The following FER1L6 variants were observed in gnomAD, a reference collection of about 807,000 sequenced individuals.
FER1L6 encodes fer-1-like protein 6.
FER1L6 carries 177 observed loss-of-function variants against 219.2 expected under a neutral mutation model. The ratio of observed to expected loss-of-function variants is 0.81; its 90% CI spans 0.71 to 0.91. FER1L6 has a LOEUF of 0.91. Among genes scored for constraint, FER1L6 ranks in the 40% least tolerant of loss-of-function variants. The pLI is 0.00. For synonymous variants in FER1L6, 768 were observed against 824.3 expected, an observed-to-expected ratio of 0.93 and a Z score of 1.17; for missense variants, 2,153 against 2,259.9, an observed-to-expected ratio of 0.95 and a Z score of 0.96.
intron 1 of FER1L6, among the ~76,000 whole-genome samples, chr8:123,918,523 G>A (rs1813259276): frequency 6.6e-6 from 1 of 152,126 alleles, no homozygotes; most frequent in South Asian, 2.1e-4. Flanking sequence ...GAGGTCAAAA[G>A]TTTTTAAACT....
chr8:124,027,880 C>A (rs1818780737), intron 18 of FER1L6, among the ~76,000 whole-genome samples: 1 of 152,180 alleles, frequency 6.6e-6, no homozygotes, highest in African/African-American at 2.4e-5. Flanking sequence ...CTTTTAAACC[C>A]ACTCCAGTAA....
rs535766777 is a variant in FER1L6, at chr8:124,017,037, TA to T, written c.1923-587del. The stretch of plus-strand genomic sequence containing the variant: ...TTTGAATATTATTCATTTTTATAGG[TA>T]AAATGTTATTAATTTTAATTTGCAT... On this transcript the variant is annotated intron_variant, in intron 15 of 40. Coordinates refer to ENST00000522917, the MANE Select transcript of FER1L6 (RefSeq NM_001039112.2). Among the ~76,000 whole-genome samples, 25 of 152,262 alleles carry T rather than the reference TA, an allele frequency of 1.6e-4. No individual in the cohort carries two copies. The East Asian group carries it at 4.2e-3, about 26-fold the overall frequency.
intron 29 of FER1L6, 72 bp from the exon 30 acceptor site, chr8:124,070,395 C>A (rs1821017877): frequency 2.6e-6 from 4 of 1,554,156 alleles, no homozygotes; most frequent in Admixed American, 3.6e-5. Flanking sequence ...TTTGGAGAAT[C>A]TTGGCATTTC....
chr8:123,855,133 C>T (rs561281222), intron 1 of FER1L6, among the ~76,000 whole-genome samples: 4 of 152,074 alleles, frequency 2.6e-5, no homozygotes, highest in Admixed American at 6.5e-5. Context: ...TAAATGGAAT[C>T]GAAGGTTGCC....
chr8:124,097,775 C>T lies in FER1L6; in HGVS notation c.4785-10C>T, dbSNP rs137960062. Reference sequence around the variant, plus strand: ...GGTCATCGACCTAATGCTTCCTTCTCCCATCCCAGATACGAATTGAGAGTG... The same window carrying T: ...GGTCATCGACCTAATGCTTCCTTCTTCCATCCCAGATACGAATTGAGAGTG... On this transcript the variant is annotated splice_polypyrimidine_tract_variant and intron_variant, in intron 36 of 40. Coordinates refer to ENST00000522917, the MANE Select transcript of FER1L6 (RefSeq NM_001039112.2). The T allele has an allele frequency of 6.3e-5, 93 of 1,471,788 alleles. No homozygotes were observed. Among genetic ancestry groups the T allele is most frequent in the Non-Finnish European group, 7.6e-5 (80 of 1,050,160 alleles). The allele number at this position is 1,471,788 out of a possible 1,614,324, so 91.2% of individuals were successfully genotyped here.
rs1816001474 is a variant in FER1L6, at chr8:123,975,054, G to C, written c.527-96G>C. On this transcript the variant is annotated intron_variant, in intron 7 of 40. Coordinates refer to ENST00000522917, the MANE Select transcript of FER1L6 (RefSeq NM_001039112.2). Reference sequence around the variant, plus strand: ...GATTTACCACCTAGAGCAACAGAGGGAGGAGAGCCTGGGAGGCCTTGGCGT... The same window carrying C: ...GATTTACCACCTAGAGCAACAGAGGCAGGAGAGCCTGGGAGGCCTTGGCGT... 7 of 1,140,730 alleles carry C rather than the reference G, an allele frequency of 6.1e-6. No individual in the cohort carries two copies. In the South Asian group the frequency reaches 6.2e-5, roughly 10 times the overall value. The allele number at this position is 1,140,730 out of a possible 1,614,324, so 70.7% of individuals were successfully genotyped here.
At chr8:123,970,136 G>A (rs1404770378) in intron 6 of FER1L6, 39 bp downstream of exon 6, 14 of 1,593,088 alleles carry the variant, frequency 8.8e-6, no homozygotes, top group Non-Finnish European at 9.5e-6. Context: ...TGGAGAGGTG[G>A]GAGACATTTT....
intron 1 of FER1L6, among the ~76,000 whole-genome samples, chr8:123,910,130 C>T (rs1182497873): frequency 6.6e-6 from 1 of 152,184 alleles, no homozygotes; most frequent in African/African-American, 2.4e-5. Flanking sequence ...CCATCCTAGG[C>T]AGCCATGTTT....
intron 17 of FER1L6, among the ~76,000 whole-genome samples, 159 bp from the exon 18 acceptor site, chr8:124,023,285 A>G (rs1818542328): frequency 6.6e-6 from 1 of 152,188 alleles, no homozygotes; most frequent in East Asian, 1.9e-4. Flanking sequence ...AATTTGCTTG[A>G]TGGCATAGAT....
Position 124,111,008 on chromosome 8 carries a change from G to A in FER1L6, c.5289+7699G>A, listed in dbSNP as rs1291734772. On this transcript the variant is annotated intron_variant, in intron 39 of 40. Coordinates refer to ENST00000522917, the MANE Select transcript of FER1L6 (RefSeq NM_001039112.2). The surrounding 1 kb of genome is among the most constrained non-coding windows in gnomAD (Gnocchi z 5.0). ...CCTCCTACCCTCCCACAGAAACTGG[G>A]GTATAGGGTGCTATTCTCTCGATGT... Among the ~76,000 whole-genome samples the A allele has an allele frequency of 6.6e-6, 1 of 151,948 alleles. No homozygotes were observed. Among genetic ancestry groups the A allele is most frequent in the African/African-American group, 2.4e-5 (1 of 41,356 alleles).
chr8:124,063,487 G>T (rs10102566), intron 25 of FER1L6, among the ~76,000 whole-genome samples: 128,270 of 152,200 alleles, frequency 0.84, 54,180 homozygotes, highest in African/African-American at 0.86. Flanking sequence ...TTCAGCTGCA[G>T]TTTTCTCCAC....
chr8:124,115,278 C>G (rs1823195410), intron 39 of FER1L6, among the ~76,000 whole-genome samples: 1 of 151,386 alleles, frequency 6.6e-6, no homozygotes, highest in African/African-American at 2.4e-5. Context: ...AGCTTATGAC[C>G]TCTCCTTGGT....
intron 1 of FER1L6, among the ~76,000 whole-genome samples, chr8:123,901,011 C>G (rs1812846272): frequency 1.3e-5 from 2 of 152,174 alleles, no homozygotes; most frequent in Non-Finnish European, 2.9e-5. Context: ...GTGATGCTGA[C>G]TTCATAGAAT....
intron 1 of FER1L6, among the ~76,000 whole-genome samples, chr8:123,935,078 A>T (rs1278581916): frequency 6.6e-5 from 10 of 152,174 alleles, no homozygotes; most frequent in Admixed American, 6.5e-4. Flanking sequence ...GCCTTCATTG[A>T]TGATTCTTAG....
intron 28 of FER1L6, among the ~76,000 whole-genome samples, chr8:124,068,187 G>A (rs185921109): frequency 6.6e-6 from 1 of 152,276 alleles, no homozygotes; most frequent in African/African-American, 2.4e-5. Flanking sequence ...GATCTTGTTT[G>A]GCAGAAAGTC....
chr8:123,935,572 T>C (rs1259301638), intron 1 of FER1L6, among the ~76,000 whole-genome samples: 1 of 152,198 alleles, frequency 6.6e-6, no homozygotes, highest in African/African-American at 2.4e-5. Flanking sequence ...AAATGTATCA[T>C]AGGATAATCA....
At chr8:123,897,705 A>G (rs979212404) in intron 1 of FER1L6, among the ~76,000 whole-genome samples, 1 of 152,242 alleles carries the variant, frequency 6.6e-6, no homozygotes, top group Non-Finnish European at 1.5e-5. Flanking sequence ...ATGTAAGAAT[A>G]CATCATTCAT....
intron 5 of FER1L6, 101 bp from the exon 6 acceptor site, chr8:123,969,934 A>G: frequency 1.2e-6 from 1 of 833,246 alleles, no homozygotes. Flanking sequence ...ATATTCATGC[A>G]GCAGTTGGTT....
At chr8:124,003,416 G>A in intron 13 of FER1L6, 69 bp downstream of exon 13, 1 of 348,702 alleles carries the variant, frequency 2.9e-6, no homozygotes, top group Non-Finnish European at 4.6e-6. Context: ...TTCTAGGACT[G>A]TTTTCTTCAG....
Sources: gnomAD v4.1 joint callset for allele counts (sites outside exome capture counted in the v4.1 genomes callset) on GRCh38, gnomAD v4.1.1 for gene constraint, Gnocchi (gnomAD v3.1) non-coding constraint, MANE v1.5 for transcripts, NCBI Gene and HGNC (gene_info 2026-07-23, HGNC 2026-07-21) for gene names.